Variants in SPAG16 observed in about 807,000 individuals in gnomAD.
SPAG16 encodes sperm-associated antigen 16 protein.
Under a neutral mutation model 80.4 loss-of-function variants are expected in SPAG16, and 86 were observed. That is an observed-to-expected ratio of 1.07 (90% CI 0.90 to 1.28). SPAG16 has a LOEUF of 1.28. Among genes scored for constraint, SPAG16 ranks in the 50% most tolerant of loss-of-function variants. The pLI, the probability that SPAG16 is intolerant of heterozygous loss-of-function variation, is 0.00. For missense variants in SPAG16, 870 were observed against 765.3 expected (o/e 1.14, Z -1.61); for synonymous variants, 294 against 265.9 (o/e 1.11, Z -1.03).
intron 5 of SPAG16, among the ~76,000 whole-genome samples, chr2:213,337,066 C>T (rs1385307205): frequency 4.6e-5 from 7 of 152,126 alleles, no homozygotes; most frequent in African/African-American, 9.7e-5. Flanking sequence ...GTGATACCTC[C>T]AGGGGTGGGA....
rs140357540 is a variant in SPAG16 at position 213,743,659 on chromosome 2, C to T, written c.1071-118826C>T. Among the ~76,000 whole-genome samples, 711 of 152,220 alleles carry T rather than the reference C, an allele frequency of 4.7e-3. 6 individuals are homozygous for T. Among genetic ancestry groups the T allele is most frequent in the African/African-American group, 0.016 (678 of 41,522 alleles). ...TTTGTGGTAAATTTGTCTGTCTTCTCGGGCTACTACTAAAAACTTCTTTTC... is the reference window on the plus strand; with the variant it reads ...TTTGTGGTAAATTTGTCTGTCTTCTTGGGCTACTACTAAAAACTTCTTTTC... On this transcript the variant is annotated intron_variant, in intron 10 of 15. Coordinates refer to ENST00000331683, the MANE Select transcript of SPAG16 (RefSeq NM_024532.5).
chr2:214,371,141 A>G (rs1302385159), intron 15 of SPAG16, among the ~76,000 whole-genome samples: 1 of 152,166 alleles, frequency 6.6e-6, no homozygotes, highest in Admixed American at 6.6e-5. Flanking sequence ...AATGTAGACT[A>G]ACGTTGAGGA....
At chr2:213,393,045 T>A (rs571228435) in intron 9 of SPAG16, among the ~76,000 whole-genome samples, 1 of 152,244 alleles carries the variant, frequency 6.6e-6, no homozygotes, top group Admixed American at 6.5e-5. Flanking sequence ...TTACACTAAA[T>A]ATATTCTGCT....
At chr2:214,248,506 A>T (rs1181972826) in intron 15 of SPAG16, among the ~76,000 whole-genome samples, 2 of 151,716 alleles carry the variant, frequency 1.3e-5, no homozygotes, top group East Asian at 3.9e-4. Flanking sequence ...TTTAGTAGAG[A>T]CGGGATTTCA....
intron 10 of SPAG16, among the ~76,000 whole-genome samples, chr2:213,639,607 C>G (rs1476120482): frequency 6.6e-6 from 1 of 152,166 alleles, no homozygotes; most frequent in Non-Finnish European, 1.5e-5. Context: ...GCTGAGAAAT[C>G]TGCTGTAAAT....
chr2:213,761,006 C>A (rs1553625135), intron 10 of SPAG16, among the ~76,000 whole-genome samples: 1 of 152,142 alleles, frequency 6.6e-6, no homozygotes, highest in Non-Finnish European at 1.5e-5. Context: ...CCCACTCACC[C>A]CTTATTTGGC....
chr2:213,443,820 G>A (rs939895727), intron 9 of SPAG16, among the ~76,000 whole-genome samples: 1 of 152,214 alleles, frequency 6.6e-6, no homozygotes, highest in Non-Finnish European at 1.5e-5. Context: ...ATGCACAAGT[G>A]TTTCCAGGGA....
At chr2:214,149,582 A>G (rs898366376) in intron 15 of SPAG16, among the ~76,000 whole-genome samples, 5 of 152,108 alleles carry the variant, frequency 3.3e-5, no homozygotes, top group African/African-American at 1.2e-4. Context: ...AGGTAAGCAA[A>G]TTCGATTTTC....
rs552572815 is a variant in SPAG16, at chr2:214,226,524, G to T, written c.1720+77258G>T. 3.9e-5 allele frequency among the ~76,000 whole-genome samples: 6 copies of T among 152,200 alleles called. No homozygotes were observed. The South Asian group carries it at 1.0e-3, about 26-fold the overall frequency. ...ATTACAACCATCATATCTGTGACAA[G>T]TGTCAAGTTTGGAAGACAAGCAAGT... On this transcript the variant is annotated intron_variant, in intron 15 of 15. Coordinates refer to ENST00000331683, the MANE Select transcript of SPAG16 (RefSeq NM_024532.5).
chr2:214,219,025 A>G (rs994984396), intron 15 of SPAG16, among the ~76,000 whole-genome samples: 1 of 152,230 alleles, frequency 6.6e-6, no homozygotes, highest in African/African-American at 2.4e-5. Flanking sequence ...AGGTGAAGCT[A>G]TAGGGCTTAT....
At chr2:213,673,679 A>C (rs1050426336) in intron 10 of SPAG16, among the ~76,000 whole-genome samples, 4 of 152,228 alleles carry the variant, frequency 2.6e-5, no homozygotes, top group African/African-American at 9.6e-5. Flanking sequence ...AAAATGGTGC[A>C]ACAAATTGTC....
At chr2:214,407,866 A>G (rs572458002) in intron 15 of SPAG16, among the ~76,000 whole-genome samples, 4 of 152,288 alleles carry the variant, frequency 2.6e-5, no homozygotes, top group African/African-American at 9.6e-5. Flanking sequence ...CACACATTAC[A>G]TGCCGTGTAA....
intron 11 of SPAG16, among the ~76,000 whole-genome samples, chr2:213,869,187 A>C (rs1156659765): frequency 6.7e-6 from 1 of 148,362 alleles, no homozygotes; most frequent in Non-Finnish European, 1.5e-5. Flanking sequence ...CGGGAGGCGG[A>C]GGTTGCAGTG....
At chr2:213,704,117 C>G (rs1227851326) in intron 10 of SPAG16, among the ~76,000 whole-genome samples, 7 of 152,172 alleles carry the variant, frequency 4.6e-5, no homozygotes, top group Admixed American at 4.6e-4. Context: ...GCCTTATCAT[C>G]AGAAAGACAA....
intron 12 of SPAG16, among the ~76,000 whole-genome samples, chr2:213,964,809 C>T (rs976149872): frequency 6.6e-6 from 1 of 152,158 alleles, no homozygotes; most frequent in African/African-American, 2.4e-5. Context: ...TACTTTCAAC[C>T]CTGGACTTTT....
intron 15 of SPAG16, among the ~76,000 whole-genome samples, chr2:214,381,795 A>T (rs1700463115): frequency 6.6e-6 from 1 of 152,220 alleles, no homozygotes; most frequent in African/African-American, 2.4e-5. Context: ...TAAAGAAAAC[A>T]AAAACACTCT....
chr2:213,814,872 A>AATATATAT (rs34269015), intron 10 of SPAG16, among the ~76,000 whole-genome samples: 3 of 148,206 alleles, frequency 2.0e-5, no homozygotes, highest in African/African-American at 7.5e-5. Flanking sequence ...AACAGCCTTA[A>AATATATAT]ATATATATAT....
chr2:214,209,575 A>G (rs2125742811), intron 15 of SPAG16, among the ~76,000 whole-genome samples: 1 of 152,288 alleles, frequency 6.6e-6, no homozygotes, highest in African/African-American at 2.4e-5. Context: ...AGTTTTATGG[A>G]CCATGGGAAG....
intron 10 of SPAG16, among the ~76,000 whole-genome samples, chr2:213,507,312 C>T (rs2075005844): frequency 6.6e-6 from 1 of 152,172 alleles, no homozygotes; most frequent in African/African-American, 2.4e-5. Flanking sequence ...TTTAAAGACC[C>T]TGTTCTTGTA....
Sources: allele counts gnomAD v4.1 joint callset (sites outside exome capture counted in the v4.1 genomes callset), GRCh38; gene constraint gnomAD v4.1.1; transcripts MANE v1.5; gene names NCBI Gene and HGNC (gene_info 2026-07-23, HGNC 2026-07-21).